NARS2: variants seen among roughly 807,000 people sequenced by gnomAD.
The protein encoded by NARS2 is asparaginyl-tRNA synthetase 2, mitochondrial, also known as asparaginyl-tRNA synthetase.
A neutral mutation model predicts 62.9 loss-of-function variants in NARS2; 60 were observed. That is an observed-to-expected ratio of 0.95 (90% CI 0.77 to 1.18). The LOEUF (loss-of-function observed/expected upper bound fraction) is 1.18, where lower values mean the gene tolerates loss of function less well. Among genes scored for constraint, NARS2 ranks in the 50% most tolerant of loss-of-function variants. The pLI, the probability that NARS2 is intolerant of heterozygous loss-of-function variation, is 0.00. For synonymous variants in NARS2, 196 were observed against 200.0 expected, an observed-to-expected ratio of 0.98 and a Z score of 0.17; for missense variants, 619 against 576.4, an observed-to-expected ratio of 1.07 and a Z score of -0.76.
chr11:78,557,943 T>C (rs2135511779), intron 5 of NARS2, among the ~76,000 whole-genome samples: 1 of 151,880 alleles, frequency 6.6e-6, no homozygotes, highest in African/African-American at 2.4e-5. Flanking sequence ...AAAAACTTTT[T>C]TACTTGTTTC....
chr11:78,545,193 AT>A (rs1565273256), intron 5 of NARS2, among the ~76,000 whole-genome samples: 1 of 152,226 alleles, frequency 6.6e-6, no homozygotes, highest in Non-Finnish European at 1.5e-5. Context: ...TAAAAAGTTT[AT>A]ATCATCTACA....
At chr11:78,565,428 CA>C in intron 4 of NARS2, among the ~76,000 whole-genome samples, 1 of 152,242 alleles carries the variant, frequency 6.6e-6, no homozygotes, top group South Asian at 2.1e-4. Context: ...AGATGGGAAA[CA>C]AACATGGTAA....
chr11:78,476,515 GCT>G (rs1453626651), intron 9 of NARS2, among the ~76,000 whole-genome samples: 1 of 152,174 alleles, frequency 6.6e-6, no homozygotes, highest in Non-Finnish European at 1.5e-5. Context: ...TGCACTTTTT[GCT>G]CTGTGGTCCA....
intron 7 of NARS2, among the ~76,000 whole-genome samples, chr11:78,490,620 C>G (rs934603602): frequency 6.6e-6 from 1 of 152,008 alleles, no homozygotes; most frequent in Non-Finnish European, 1.5e-5. Flanking sequence ...AGTTGAAGAC[C>G]AACCTGGGCA....
At chr11:78,478,846 TC>T (rs971171910) in intron 7 of NARS2, among the ~76,000 whole-genome samples, 163 bp from the exon 8 acceptor site, 2 of 152,178 alleles carry the variant, frequency 1.3e-5, no homozygotes, top group African/African-American at 2.4e-5. Context: ...TTTCCAGGCA[TC>T]TCAATTTCCT....
chr11:78,566,730 G>C (rs748303721), intron 3 of NARS2, among the ~76,000 whole-genome samples: 5 of 152,088 alleles, frequency 3.3e-5, no homozygotes, highest in Non-Finnish European at 7.4e-5. Context: ...TAATCAATTG[G>C]TGCAATTCAT....
chr11:78,450,069 A>G (rs1195091205), intron 11 of NARS2, among the ~76,000 whole-genome samples: 3 of 152,220 alleles, frequency 2.0e-5, no homozygotes, highest in African/African-American at 7.2e-5. Context: ...CGACCAATGC[A>G]AGTCATATGA....
At chr11:78,461,740 T>G (rs1039319128) in intron 11 of NARS2, among the ~76,000 whole-genome samples, 16 of 150,762 alleles carry the variant, frequency 1.1e-4, no homozygotes, top group African/African-American at 3.4e-4. Flanking sequence ...TGAGCTCAGT[T>G]TGAGACCAGC....
chr11:78,485,198 A>C (rs918521686), intron 7 of NARS2, among the ~76,000 whole-genome samples: 7 of 152,212 alleles, frequency 4.6e-5, no homozygotes, highest in African/African-American at 1.7e-4. Flanking sequence ...GAACACATGG[A>C]CACAGGGAGG....
At chr11:78,562,206 T>C (rs1448646338) in intron 4 of NARS2, among the ~76,000 whole-genome samples, 1 of 152,058 alleles carries the variant, frequency 6.6e-6, no homozygotes, top group East Asian at 1.9e-4. Flanking sequence ...GCAGGATTGC[T>C]TGGGCCTAGG....
intron 5 of NARS2, among the ~76,000 whole-genome samples, chr11:78,554,512 T>TGTGC (rs1856265434): frequency 7.0e-6 from 1 of 143,028 alleles, no homozygotes; most frequent in African/African-American, 2.8e-5. Flanking sequence ...TGTGTGCGTG[T>TGTGC]GTGTGTGTGT....
At position 78,547,016 on chromosome 11, in the gene NARS2, CTT is replaced by C. The variant is rs138858383; in HGVS notation, c.594+12521_594+12522del. Among the ~76,000 whole-genome samples the C allele has an allele frequency of 2.4e-3, 363 of 152,314 alleles. 2 individuals are homozygous for C. Among genetic ancestry groups the C allele is most frequent in the African/African-American group, 8.4e-3 (348 of 41,576 alleles). On this transcript the variant is annotated intron_variant, in intron 5 of 13. Transcript: ENST00000281038. ...ATTCTGCTACGATTTCACGTGTCAGCTTTATCTTCTGGATAAACACTATACAT... is the reference window on the plus strand; with the variant it reads ...ATTCTGCTACGATTTCACGTGTCAGCTATCTTCTGGATAAACACTATACAT...
At chr11:78,572,905 A>G (rs570166246) in intron 1 of NARS2, among the ~76,000 whole-genome samples, 2 of 152,190 alleles carry the variant, frequency 1.3e-5, no homozygotes. Context: ...GCACATCTCA[A>G]TTTGGACCAG....
chr11:78,514,288 A>G (rs1271751065), intron 6 of NARS2, among the ~76,000 whole-genome samples: 1 of 152,042 alleles, frequency 6.6e-6, no homozygotes, highest in Non-Finnish European at 1.5e-5. Flanking sequence ...TGTCTGGCTA[A>G]GTTTTGTATT....
intron 6 of NARS2, among the ~76,000 whole-genome samples, chr11:78,504,832 C>CTTG (rs1341147345): frequency 6.6e-6 from 1 of 152,028 alleles, no homozygotes; most frequent in South Asian, 2.1e-4. Context: ...GATCACAGGT[C>CTTG]TTGGTTTGCC....
rs374704112 is a variant in NARS2 at position 78,528,917 on chromosome 11, A to G, written c.614T>C (p.Val205Ala). 22 of 1,612,000 alleles carry G rather than the reference A, an allele frequency of 1.4e-5. No individual in the cohort carries two copies. The highest frequency in any genetic ancestry group is 1.9e-5 in the Non-Finnish European group (22 of 1,178,920). ...FQLEPSGKLKVPEENFFNVPA... is the reference protein window; with the variant it reads ...FQLEPSGKLKAPEENFFNVPA... ...AACATTGAAGAAATTCTCCTCAGGT[A>G]CCTTAAGTTTGCCTGAAGGCTGCAA... The change falls in exon 6 of 14, where the codon GTA becomes GCA. Residue 205 changes from valine to alanine, a missense_variant. Transcript: ENST00000281038.
At chr11:78,437,233 G>T (rs1010184680) in intron 13 of NARS2, among the ~76,000 whole-genome samples, 4 of 152,130 alleles carry the variant, frequency 2.6e-5, no homozygotes, top group African/African-American at 9.7e-5. Context: ...ACACAGAGGA[G>T]AGTGCAGAGT....
In NARS2 at chr11:78,443,720, T is replaced by C; in HGVS notation, c.1203A>G (p.Glu401=). Residue 401 remains glutamate (E), a synonymous_variant, in exon 12 of 14, where the codon GAA becomes GAG. Transcript: ENST00000281038. ...CTTCTCTGAGGCCTCCTCCAAAGAG[T>C]TCCCCAACTCCAGGAACCAGAAGAT... ...AVDLLVPGVG[E]LFGGGLREER... is the part of the protein sequence containing the mutation. 5 of 1,613,596 alleles carry C rather than the reference T, an allele frequency of 3.1e-6. No individual in the cohort carries two copies. Among genetic ancestry groups the C allele is most frequent in the South Asian group, 1.1e-5 (1 of 91,056 alleles).
At chr11:78,443,831 A>T (rs1339715473) in intron 11 of NARS2, 73 bp from the exon 12 acceptor site, 1 of 1,138,488 alleles carries the variant, frequency 8.8e-7, no homozygotes, top group African/African-American at 1.6e-5. Flanking sequence ...AAGCAAGTAA[A>T]CCTTTAACAT....
Sources: gnomAD v4.1 joint callset for allele counts (sites outside exome capture counted in the v4.1 genomes callset) on GRCh38, gnomAD v4.1.1 for gene constraint, MANE v1.5 for transcripts, NCBI Gene and HGNC (gene_info 2026-07-23, HGNC 2026-07-21) for gene names.